The following ACOT13 variants were observed in gnomAD, a reference collection of about 807,000 sequenced individuals.
The protein encoded by ACOT13 is acyl-CoA thioesterase 13.
In ACOT13, 10 loss-of-function variants were observed where a neutral mutation model predicts 11.8. The ratio of observed to expected loss-of-function variants is 0.85; its 90% CI spans 0.53 to 1.44. ACOT13 has a LOEUF of 1.44. ACOT13 is among the 40% of genes most tolerant of loss of function. ACOT13 has a pLI of 0.00. For synonymous variants in ACOT13, 53 were observed against 61.0 expected, an observed-to-expected ratio of 0.87 and a Z score of 0.61; for missense variants, 172 against 174.1, an observed-to-expected ratio of 0.99 and a Z score of 0.07.
chr6:24,686,532 T>A (rs1778632397), intron 1 of ACOT13, among the ~76,000 whole-genome samples: 1 of 151,360 alleles, frequency 6.6e-6, no homozygotes, highest in Non-Finnish European at 1.5e-5. Context: ...AGTGCCACAC[T>A]CTTTTTTTTC....
In ACOT13 at chr6:24,701,807, A is replaced by G. The variant is rs543507522; in HGVS notation, c.*192A>G. ...TTTCACTTTAAGCATCTTGTTTTCT[A>G]ATCATGTGTGATAATTGGGTGAAAA... On this transcript the variant is annotated 3_prime_UTR_variant, in exon 3 of 3. Transcript: ENST00000230048. The G allele has an allele frequency of 2.8e-4, 140 of 500,026 alleles. No homozygotes were observed. Among genetic ancestry groups the G allele is most frequent in the Admixed American group, 1.6e-3 (42 of 25,506 alleles). The allele number at this position is 500,026 out of a possible 1,614,324, so 31.0% of individuals were successfully genotyped here.
At chr6:24,675,255 G>C (rs1778434602) in intron 1 of ACOT13, among the ~76,000 whole-genome samples, 1 of 152,188 alleles carries the variant, frequency 6.6e-6, no homozygotes, top group East Asian at 1.9e-4. Context: ...CCAGTAATGG[G>C]ATGGCTGGGT....
At position 24,667,121 on chromosome 6, in the gene ACOT13, C is replaced by G. The variant is rs1256745807; in HGVS notation, c.-143C>G. The G allele has an allele frequency of 1.1e-6, 1 of 924,730 alleles. No homozygotes were observed. Among genetic ancestry groups the G allele is most frequent in the Non-Finnish European group, 1.6e-6 (1 of 618,046 alleles). The allele number at this position is 924,730 out of a possible 1,614,324, so 57.3% of individuals were successfully genotyped here. On this transcript the variant is annotated 5_prime_UTR_variant, in exon 1 of 3. Coordinates refer to ENST00000230048, the MANE Select transcript of ACOT13 (RefSeq NM_018473.4). The stretch of plus-strand genomic sequence containing the variant: ...ACCGGGGCTGCCAGCTCGCCTGACT[C>G]CCGGCCTCTTGCGCTCCTAGGGGCG...
chr6:24,697,791 A>G lies in ACOT13; in HGVS notation c.82-92A>G, dbSNP rs2127628681. 2.9e-6 allele frequency: 3 copies of G among 1,020,288 alleles called. No homozygotes were observed. The South Asian group carries it at 7.0e-5, about 24-fold the overall frequency. 63.2% of individuals were successfully genotyped at this position (1,020,288 alleles called of 1,614,324 possible). ...GAATTTCTGAGTCAACTTTTTTCAG[A>G]AGATTCAGTTCAATCCATTGTTCTT... On this transcript the variant is annotated intron_variant, in intron 1 of 2. Transcript: ENST00000230048.
chr6:24,678,580 A>G (rs965274227), intron 1 of ACOT13, among the ~76,000 whole-genome samples: 1 of 152,098 alleles, frequency 6.6e-6, no homozygotes, highest in African/African-American at 2.4e-5. Flanking sequence ...GCTCATCCAT[A>G]TTGTCCTTCT....
At chr6:24,694,721 C>T (rs1341770807) in intron 1 of ACOT13, among the ~76,000 whole-genome samples, 4 of 152,108 alleles carry the variant, frequency 2.6e-5, no homozygotes, top group Non-Finnish European at 5.9e-5. Context: ...CATCATCTTC[C>T]GTTGGTTTAA....
intron 1 of ACOT13, among the ~76,000 whole-genome samples, chr6:24,668,737 C>T (rs999645743): frequency 5.9e-5 from 9 of 152,308 alleles, no homozygotes; most frequent in East Asian, 1.9e-4. Context: ...GAAGACGTGG[C>T]GTGCAATCAG....
chr6:24,695,857 A>G (rs1778787218), intron 1 of ACOT13, among the ~76,000 whole-genome samples: 1 of 152,206 alleles, frequency 6.6e-6, no homozygotes, highest in Non-Finnish European at 1.5e-5. Flanking sequence ...ACCTGAGGTC[A>G]GGAGTTCGAG....
In ACOT13 at chr6:24,667,293, G is replaced by C. The variant is rs926269792; in HGVS notation, c.30G>C (p.Glu10Asp). 1 of 1,614,228 alleles carries C rather than the reference G, an allele frequency of 6.2e-7. No homozygotes were observed. Among genetic ancestry groups the C allele is most frequent in the Admixed American group, 1.7e-5 (1 of 60,028 alleles). Residue 10 changes from glutamate to aspartate, a missense_variant, in exon 1 of 3, where the codon GAG (glutamate) becomes GAC (aspartate). Physicochemically the swap from Glu to Asp is conservative, Grantham distance 45. Coordinates refer to ENST00000230048, the MANE Select transcript of ACOT13 (RefSeq NM_018473.4). MTSMTQSLR[E>D]VIKAMTKARN... ...CCAGCATGACTCAGTCTCTGCGGGA[G>C]GTGATAAAGGCCATGACCAAGGCTC...
At chr6:24,667,723 A>G (rs1373496139) in intron 1 of ACOT13, among the ~76,000 whole-genome samples, 1 of 152,176 alleles carries the variant, frequency 6.6e-6, no homozygotes, top group Non-Finnish European at 1.5e-5. Context: ...GAAGATAAAT[A>G]ATTGCAATAA....
In ACOT13 at chr6:24,682,605, C is replaced by T. The variant is rs573899694; in HGVS notation, c.81+15261C>T. Among the ~76,000 whole-genome samples, 5 of 152,190 alleles carry T rather than the reference C, an allele frequency of 3.3e-5. No homozygotes were observed. In the South Asian group the frequency reaches 8.3e-4, roughly 25 times the overall value. On this transcript the variant is annotated intron_variant, in intron 1 of 2. Transcript: ENST00000230048. ...TGATTGGGAGTGGCAATGGACACCT[C>T]GCTGGATCAGGAGCACAGCGGACAC... is the stretch of plus-strand genomic sequence containing the variant.
intron 2 of ACOT13, among the ~76,000 whole-genome samples, chr6:24,700,342 T>A (rs1778871412): frequency 6.6e-6 from 1 of 151,310 alleles, no homozygotes; most frequent in South Asian, 2.1e-4. Context: ...GCCAAACTAC[T>A]ACTAAACATA....
rs1218740122 is a variant in ACOT13 at position 24,703,245 on chromosome 6, C to T, written c.*1630C>T. The T allele has an allele frequency of 6.6e-6, 1 of 152,152 alleles. No homozygotes were observed. Among genetic ancestry groups the T allele is most frequent in the Non-Finnish European group, 1.5e-5 (1 of 68,020 alleles). The allele number at this position is 152,152 out of a possible 1,614,324, so 9.4% of individuals were successfully genotyped here. On this transcript the variant is annotated 3_prime_UTR_variant, in exon 3 of 3. Transcript: ENST00000230048. ...TGACTAAAGACTAAAAAGGATGCAG[C>T]TTTAAGTAAATTTAAGTCAAGTTAA...
rs928649406 is a variant in ACOT13 at position 24,692,326 on chromosome 6, C to T, written c.82-5557C>T. The stretch of plus-strand genomic sequence containing the variant: ...TTTGTAGTTAGGTCATAGTTGACCT[C>T]GGCAATAGAAATAATTTTAAGAAAA... On this transcript the variant is annotated intron_variant, in intron 1 of 2. Transcript: ENST00000230048. 8.5e-5 allele frequency among the ~76,000 whole-genome samples: 13 copies of T among 152,224 alleles called. 1 individual carries two copies. Among genetic ancestry groups the T allele is most frequent in the African/African-American group, 2.9e-4 (12 of 41,516 alleles).
At chr6:24,682,753 A>G (rs1405205961) in intron 1 of ACOT13, among the ~76,000 whole-genome samples, 1 of 152,102 alleles carries the variant, frequency 6.6e-6, no homozygotes, top group Non-Finnish European at 1.5e-5. Context: ...CTCGAGCCAT[A>G]ACAAACATGG....
chr6:24,692,594 A>AT (rs1341171306), intron 1 of ACOT13, among the ~76,000 whole-genome samples: 7 of 151,792 alleles, frequency 4.6e-5, no homozygotes, highest in Non-Finnish European at 1.0e-4. Flanking sequence ...ATTTTAAAAA[A>AT]TTTTTCTAGA....
intron 1 of ACOT13, among the ~76,000 whole-genome samples, chr6:24,675,516 C>T (rs1200719366): frequency 2.6e-5 from 4 of 152,210 alleles, no homozygotes; most frequent in Non-Finnish European, 5.9e-5. Flanking sequence ...CTGTTGGCTG[C>T]ATAAATGTCT....
chr6:24,672,587 T>C (rs561092681), intron 1 of ACOT13, among the ~76,000 whole-genome samples: 49 of 152,286 alleles, frequency 3.2e-4, no homozygotes, highest in South Asian at 6.2e-4. Flanking sequence ...TACAGTGAGC[T>C]GAGATTGAGC....
Position 24,676,846 on chromosome 6 carries a change from G to A in ACOT13, c.81+9502G>A, listed in dbSNP as rs561414300. Among the ~76,000 whole-genome samples, 7 of 152,270 alleles carry A rather than the reference G, an allele frequency of 4.6e-5. No homozygotes were observed. In the South Asian group the frequency reaches 1.5e-3, roughly 32 times the overall value. The stretch of plus-strand genomic sequence containing the variant: ...TCTTTAGGTTTCTGTACAGCCAATA[G>A]TAATCTCCTAATGGCTTCCTGATGT... On this transcript the variant is annotated intron_variant, in intron 1 of 2. Transcript: ENST00000230048.
Sources: allele counts gnomAD v4.1 joint callset (sites outside exome capture counted in the v4.1 genomes callset), GRCh38; gene constraint gnomAD v4.1.1; transcripts MANE v1.5; gene names NCBI Gene and HGNC (gene_info 2026-07-23, HGNC 2026-07-21).